Variants in ATXN2 observed in about 807,000 individuals in gnomAD.
ATXN2 encodes ataxin 2, also known as ataxin-2.
In ATXN2, 37 loss-of-function variants were observed where a neutral mutation model predicts 138.6. The ratio of observed to expected loss-of-function variants is 0.27; its 90% CI spans 0.21 to 0.35. The LOEUF (loss-of-function observed/expected upper bound fraction) is 0.35. Among genes scored for constraint, ATXN2 ranks in the 10% least tolerant of loss-of-function variants. The pLI is 1.00. For missense variants in ATXN2, 1,216 were observed against 1,480.3 expected (o/e 0.82, Z 2.93); for synonymous variants, 549 against 543.7 (o/e 1.01, Z -0.13).
intron 5 of ATXN2, among the ~76,000 whole-genome samples, chr12:111,530,631 G>A (rs561674488): frequency 3.9e-5 from 6 of 152,262 alleles, no homozygotes; most frequent in Non-Finnish European, 7.4e-5. Context: ...TGGTTAACAC[G>A]GTGAAACCCC....
intron 11 of ATXN2, chr12:111,513,016 T>C (rs1346058018): frequency 4.1e-6 from 1 of 246,482 alleles, no homozygotes; most frequent in African/African-American, 2.3e-5. Flanking sequence ...TGCCTCATAT[T>C]AGAGAGGTAC....
intron 5 of ATXN2, among the ~76,000 whole-genome samples, chr12:111,528,001 A>G: frequency 6.6e-6 from 1 of 152,306 alleles, no homozygotes. Context: ...TTCTCACAAC[A>G]CTAGACAAAA....
At position 111,598,136 on chromosome 12, in the gene ATXN2, T is replaced by A; in HGVS notation, c.251+648A>T. The A allele has an allele frequency of 1.8e-6, 2 of 1,115,344 alleles. No individual in the cohort carries two copies. The highest frequency in any genetic ancestry group is 2.2e-6 in the Non-Finnish European group (2 of 901,824). The allele number at this position is 1,115,344 out of a possible 1,614,324, so 69.1% of individuals were successfully genotyped here. A position where few individuals can be genotyped will look rare whatever the true frequency, so the allele number is the denominator to read the frequency against. On this transcript the variant is annotated intron_variant, in intron 1 of 24. Coordinates refer to ENST00000673436, the MANE Select transcript of ATXN2 (RefSeq NM_001372574.1). This position sits in a 1 kb window ranked among gnomAD's most constrained non-coding sequence, Gnocchi z 4.5. ...GAGTTCGGGAGCCCCCGCCGCCGCC[T>A]CGGACACGAACGCAGAGGGGTGCGG...
chr12:111,515,667 CT>C (rs1161729891), intron 10 of ATXN2, among the ~76,000 whole-genome samples: 1 of 152,184 alleles, frequency 6.6e-6, no homozygotes, highest in Non-Finnish European at 1.5e-5. Flanking sequence ...AAATCAACTA[CT>C]TTAATCTAAG....
At chr12:111,590,861 T>C (rs531447848) in intron 1 of ATXN2, among the ~76,000 whole-genome samples, 2 of 151,932 alleles carry the variant, frequency 1.3e-5, no homozygotes, top group Non-Finnish European at 2.9e-5. Context: ...TTTATGAGAA[T>C]CTAACAAATG....
At position 111,553,171 on chromosome 12, in the gene ATXN2, G is replaced by A. The variant is rs188392748; in HGVS notation, c.349-194C>T. Among the ~76,000 whole-genome samples the A allele has an allele frequency of 5.9e-5, 9 of 152,242 alleles. No homozygotes were observed. In the East Asian group the frequency reaches 1.7e-3, roughly 29 times the overall value. On this transcript the variant is annotated intron_variant, in intron 3 of 24. Coordinates refer to ENST00000673436, the MANE Select transcript of ATXN2 (RefSeq NM_001372574.1). ...AATTCTTCAGGAGGCTCTACTCAGA[G>A]TTTGCAGTACGAATTTTAATACTGA... is the stretch of plus-strand genomic sequence containing the variant.
At chr12:111,529,481 G>A (rs1260614494) in intron 5 of ATXN2, among the ~76,000 whole-genome samples, 2 of 152,172 alleles carry the variant, frequency 1.3e-5, no homozygotes, top group Non-Finnish European at 2.9e-5. Context: ...ACTAGCAGGC[G>A]ATGTTGGAGG....
rs1037818998 is a variant in ATXN2 at position 111,547,048 on chromosome 12, G to A, written c.571+5232C>T. Among the ~76,000 whole-genome samples the A allele has an allele frequency of 3.9e-5, 6 of 152,326 alleles. No homozygotes were observed. The East Asian group carries it at 9.6e-4, about 24-fold the overall frequency. On this transcript the variant is annotated intron_variant, in intron 5 of 24. Transcript: ENST00000673436. ...AAGCCTTTTATTCATTTGCATATAT[G>A]CATGAATATAACTTTTAAACTTTAT...
chr12:111,498,399 C>T (rs1286764988), intron 14 of ATXN2, among the ~76,000 whole-genome samples: 2 of 152,114 alleles, frequency 1.3e-5, no homozygotes, highest in East Asian at 3.8e-4. Flanking sequence ...AATCAACACA[C>T]AAAAATCAGG....
intron 15 of ATXN2, among the ~76,000 whole-genome samples, chr12:111,487,364 C>T (rs977869024): frequency 1.3e-5 from 2 of 151,910 alleles, no homozygotes; most frequent in African/African-American, 4.8e-5. Context: ...TGAGCTACCA[C>T]GCCTGGCCAA....
intron 5 of ATXN2, among the ~76,000 whole-genome samples, chr12:111,537,372 G>A (rs1015157157): frequency 6.6e-6 from 1 of 151,964 alleles, no homozygotes; most frequent in African/African-American, 2.4e-5. Flanking sequence ...ATCACTTGAG[G>A]TCAGGAATTC....
chr12:111,596,043 C>CA (rs925059221), intron 1 of ATXN2, among the ~76,000 whole-genome samples: 13 of 152,158 alleles, frequency 8.5e-5, no homozygotes, highest in Admixed American at 4.6e-4. Context: ...ACTAAAAATA[C>CA]AAAAAAATTA....
At chr12:111,554,790 C>T (rs1177382777) in intron 2 of ATXN2, among the ~76,000 whole-genome samples, 1 of 152,056 alleles carries the variant, frequency 6.6e-6, no homozygotes, top group African/African-American at 2.4e-5. Context: ...TGATTGTATG[C>T]AATTGTTAAA....
intron 5 of ATXN2, among the ~76,000 whole-genome samples, chr12:111,528,866 G>T (rs1432422409): frequency 1.3e-5 from 2 of 152,034 alleles, no homozygotes; most frequent in Non-Finnish European, 2.9e-5. Flanking sequence ...GCAAGATCTG[G>T]GTATCCATTC....
intron 21 of ATXN2, among the ~76,000 whole-genome samples, chr12:111,460,081 G>A (rs1207992418): frequency 2.0e-5 from 3 of 152,090 alleles, no homozygotes. Context: ...GGTGGACAGT[G>A]CAGTTTTGTT....
At chr12:111,551,394 T>C (rs1011330211) in intron 5 of ATXN2, among the ~76,000 whole-genome samples, 26 of 151,792 alleles carry the variant, frequency 1.7e-4, no homozygotes, top group African/African-American at 6.1e-4. Flanking sequence ...TGCAAATGAG[T>C]AACAGGAATT....
intron 5 of ATXN2, among the ~76,000 whole-genome samples, chr12:111,535,049 A>C (rs1389467235): frequency 6.6e-6 from 1 of 152,188 alleles, no homozygotes; most frequent in African/African-American, 2.4e-5. Flanking sequence ...ATGGGAGAAC[A>C]GCTTGAGCCC....
At chr12:111,575,925 T>C (rs1354624894) in intron 1 of ATXN2, among the ~76,000 whole-genome samples, 1 of 151,608 alleles carries the variant, frequency 6.6e-6, no homozygotes, top group Non-Finnish European at 1.5e-5. Context: ...CTACTAAAAA[T>C]ACAAAAATTA....
chr12:111,531,283 C>A (rs1880817661), intron 5 of ATXN2, among the ~76,000 whole-genome samples: 1 of 151,776 alleles, frequency 6.6e-6, no homozygotes, highest in African/African-American at 2.4e-5. Context: ...CGTGGTGGTA[C>A]ACGCCTATAG....
Sources: allele counts gnomAD v4.1 joint callset (sites outside exome capture counted in the v4.1 genomes callset), GRCh38; gene constraint gnomAD v4.1.1; non-coding constraint Gnocchi (gnomAD v3.1); transcripts MANE v1.5; gene names NCBI Gene and HGNC (gene_info 2026-07-23, HGNC 2026-07-21).